The following CAMK2B variants were observed in gnomAD, a reference collection of about 807,000 sequenced individuals.
CAMK2B encodes calcium/calmodulin-dependent protein kinase type II subunit beta.
Under a neutral mutation model 93.7 loss-of-function variants are expected in CAMK2B, and 27 were observed. The ratio of observed to expected loss-of-function variants is 0.29; its 90% CI spans 0.21 to 0.40. The LOEUF is 0.40. Ranked by LOEUF, CAMK2B falls within the 10% of genes least tolerant of loss-of-function variation. The pLI is 1.00. For missense variants in CAMK2B, 568 were observed against 895.8 expected, an observed-to-expected ratio of 0.63 and a Z score of 4.67; for synonymous variants, 374 against 358.8, an observed-to-expected ratio of 1.04 and a Z score of -0.48.
intron 4 of CAMK2B, among the ~76,000 whole-genome samples, chr7:44,258,192 A>G (rs2096850140): frequency 2.0e-5 from 3 of 152,234 alleles, no homozygotes; most frequent in African/African-American, 7.2e-5. Context: ...GCTACTGCAC[A>G]CGCACTCATG....
chr7:44,241,390 G>A (rs915106794), intron 11 of CAMK2B, among the ~76,000 whole-genome samples: 2 of 152,242 alleles, frequency 1.3e-5, no homozygotes, highest in African/African-American at 4.8e-5. Flanking sequence ...GTGACTGCCA[G>A]AGGGTGAGTG....
intron 12 of CAMK2B, among the ~76,000 whole-genome samples, 153 bp from the exon 13 acceptor site, chr7:44,239,816 G>C (rs1177761298): frequency 6.6e-6 from 1 of 152,180 alleles, no homozygotes; most frequent in Non-Finnish European, 1.5e-5. Flanking sequence ...CTTTGCTCAA[G>C]AGAGTGAAAA....
At chr7:44,321,318 C>T (rs762028755) in intron 1 of CAMK2B, among the ~76,000 whole-genome samples, 13 of 152,208 alleles carry the variant, frequency 8.5e-5, no homozygotes, top group Non-Finnish European at 1.2e-4. Flanking sequence ...GGTCAGGCCA[C>T]ACACACCCCA....
At chr7:44,304,045 A>C (rs533881877) in intron 1 of CAMK2B, among the ~76,000 whole-genome samples, 2 of 152,336 alleles carry the variant, frequency 1.3e-5, no homozygotes, top group East Asian at 1.9e-4. Context: ...AAAAAGAGCT[A>C]TCACTATACA....
chr7:44,242,363 G>A (rs558563163), intron 9 of CAMK2B, 23 bp from the exon 10 acceptor site: 68 of 1,606,868 alleles, frequency 4.2e-5, no homozygotes, highest in South Asian at 3.5e-4. Context: ...ACAGCGCCCC[G>A]GCCGGGCCTG....
chr7:44,306,279 C>T (rs1339928826), intron 1 of CAMK2B, among the ~76,000 whole-genome samples: 1 of 152,108 alleles, frequency 6.6e-6, no homozygotes, highest in African/African-American at 2.4e-5. Flanking sequence ...GAAGTTCCCC[C>T]TTCCAGGGAG....
At chr7:44,228,971 G>T (rs747503458) in intron 18 of CAMK2B, 47 bp from the exon 19 acceptor site, 14 of 1,600,660 alleles carry the variant, frequency 8.7e-6, no homozygotes, top group Admixed American at 5.1e-5. Context: ...ACAGACACAC[G>T]AGGCGGCGGC....
intron 5 of CAMK2B, among the ~76,000 whole-genome samples, chr7:44,249,037 A>G (rs989929856): frequency 1.8e-4 from 27 of 151,962 alleles, no homozygotes; most frequent in African/African-American, 6.5e-4. Context: ...GCCTACATCT[A>G]GAGACTTCCT....
chr7:44,288,778 C>T (rs1373634291), intron 1 of CAMK2B, among the ~76,000 whole-genome samples: 3 of 152,176 alleles, frequency 2.0e-5, no homozygotes, highest in South Asian at 2.1e-4. Context: ...AATGGAGGCC[C>T]GGAACTACAT....
At chr7:44,269,616 G>A (rs941588913) in intron 2 of CAMK2B, among the ~76,000 whole-genome samples, 1 of 152,112 alleles carries the variant, frequency 6.6e-6, no homozygotes, top group Middle Eastern at 3.2e-3. Context: ...GGTGGGCACC[G>A]GGCCCCCCGC....
chr7:44,304,729 A>T (rs1443513832), intron 1 of CAMK2B, among the ~76,000 whole-genome samples: 4 of 152,204 alleles, frequency 2.6e-5, no homozygotes, highest in Non-Finnish European at 5.9e-5. Flanking sequence ...GCAAGAGCAA[A>T]CCCTAATGTA....
At chr7:44,310,461 G>T (rs1485952895) in intron 1 of CAMK2B, among the ~76,000 whole-genome samples, 2 of 152,184 alleles carry the variant, frequency 1.3e-5, no homozygotes, top group Non-Finnish European at 2.9e-5. Context: ...CAACCCAGTG[G>T]CTATGTCATG....
At position 44,248,546 on chromosome 7, in the gene CAMK2B, C is replaced by A. The variant is rs188882503; in HGVS notation, c.342-1354G>T. On this transcript the variant is annotated intron_variant, in intron 5 of 23. Transcript: ENST00000395749. The surrounding 1 kb of genome is among the most constrained non-coding windows in gnomAD (Gnocchi z 4.1). Reference sequence around the variant, plus strand: ...CCTGCCTGGGGTCTCAGTCACCGCCCCACTGGGCACGGTCAAGGGAGGGAC... The same window carrying A: ...CCTGCCTGGGGTCTCAGTCACCGCCACACTGGGCACGGTCAAGGGAGGGAC... 2.0e-5 allele frequency among the ~76,000 whole-genome samples: 3 copies of A among 152,348 alleles called. No homozygotes were observed. Among genetic ancestry groups the A allele is most frequent in the African/African-American group, 7.2e-5 (3 of 41,586 alleles).
At chr7:44,285,978 T>A (rs1324549388) in intron 1 of CAMK2B, among the ~76,000 whole-genome samples, 1 of 152,068 alleles carries the variant, frequency 6.6e-6, no homozygotes, top group Non-Finnish European at 1.5e-5. Context: ...CTCATAATGT[T>A]TTTAAAGAAA....
rs548782300 is a variant in CAMK2B, at chr7:44,236,928, G to A, written c.1022-2252C>T. Among the ~76,000 whole-genome samples, 117 of 152,354 alleles carry A rather than the reference G, an allele frequency of 7.7e-4. 1 individual carries two copies. Among genetic ancestry groups the A allele is most frequent in the African/African-American group, 2.4e-3 (100 of 41,568 alleles). ...CAGCCTCGCCTTGAGGACATTTGTC[G>A]TGGGGAGCTGAACAGGCAAGGAAGG... On this transcript the variant is annotated intron_variant, in intron 13 of 23. Transcript: ENST00000395749.
At chr7:44,233,758 C>T (rs1179372223) in intron 15 of CAMK2B, among the ~76,000 whole-genome samples, 1 of 152,174 alleles carries the variant, frequency 6.6e-6, no homozygotes, top group Non-Finnish European at 1.5e-5. Flanking sequence ...GGGACCCCTC[C>T]CCTCCCCGGC....
Position 44,226,511 on chromosome 7 carries a change from C to T in CAMK2B, c.1597+5G>A. The stretch of plus-strand genomic sequence containing the variant: ...GCTGCCACGGCCACTCAAGGTGCTA[C>T]TTACATGGGGTGGGCAGGGGGCCAG... On this transcript the variant is annotated splice_donor_5th_base_variant and intron_variant, in intron 20 of 23. Transcript: ENST00000395749. 4 of 1,428,380 alleles carry T rather than the reference C, an allele frequency of 2.8e-6. No homozygotes were observed. The highest frequency in any genetic ancestry group is 2.7e-6 in the Non-Finnish European group (3 of 1,091,000). 88.5% of individuals were successfully genotyped at this position (1,428,380 alleles called of 1,614,324 possible).
In CAMK2B at chr7:44,257,273, G is replaced by C. The variant is rs143235422; in HGVS notation, c.275+1599C>G. 6.6e-3 allele frequency among the ~76,000 whole-genome samples: 1,006 copies of C among 152,234 alleles called. 14 individuals are homozygous for C. The highest frequency in any genetic ancestry group is 0.023 in the African/African-American group (959 of 41,520). On this transcript the variant is annotated intron_variant, in intron 4 of 23. Coordinates refer to ENST00000395749, the MANE Select transcript of CAMK2B (RefSeq NM_001220.5). ...GGCCTGGAGGCTGGCTGAGGCACAGGGGCCATGGAGGTTGGTGGGGAAGAC... is the reference window on the plus strand; with the variant it reads ...GGCCTGGAGGCTGGCTGAGGCACAGCGGCCATGGAGGTTGGTGGGGAAGAC...
chr7:44,232,923 A>C, intron 15 of CAMK2B, 57 bp from the exon 16 acceptor site: 3 of 1,502,268 alleles, frequency 2.0e-6, no homozygotes, highest in Non-Finnish European at 2.8e-6. Flanking sequence ...GAAGAGGAGG[A>C]AGCGGAGACC....
Sources: allele counts gnomAD v4.1 joint callset (sites outside exome capture counted in the v4.1 genomes callset), GRCh38; gene constraint gnomAD v4.1.1; non-coding constraint Gnocchi (gnomAD v3.1); transcripts MANE v1.5; gene names NCBI Gene and HGNC (gene_info 2026-07-23, HGNC 2026-07-21).